The following GPATCH8 variants were observed in gnomAD, a reference collection of about 807,000 sequenced individuals.
GPATCH8 encodes the protein G-patch domain containing 8, also known as G patch domain-containing protein 8.
Under a neutral mutation model 118.3 loss-of-function variants are expected in GPATCH8, and 18 were observed. That is an observed-to-expected ratio of 0.15 (90% confidence interval 0.11 to 0.23). The LOEUF is 0.23. Ranked by LOEUF, GPATCH8 falls within the 10% of genes least tolerant of loss-of-function variation. The probability of loss-of-function intolerance (pLI) is 1.00; values close to 1 mark genes in which losing one functional copy is unlikely to be tolerated. For synonymous variants in GPATCH8, 659 were observed against 684.7 expected, an observed-to-expected ratio of 0.96 and a Z score of 0.59; for missense variants, 1,631 against 1,873.8, an observed-to-expected ratio of 0.87 and a Z score of 2.39.
intron 5 of GPATCH8, among the ~76,000 whole-genome samples, chr17:44,431,760 A>C (rs1040424079): frequency 1.3e-5 from 2 of 151,914 alleles, no homozygotes; most frequent in African/African-American, 2.4e-5. Flanking sequence ...GTGAGACCCT[A>C]TCTCTTAAAA....
rs147294759 is a variant in GPATCH8, at chr17:44,425,708, T to G, written c.349-1216A>C. On this transcript the variant is annotated intron_variant, in intron 5 of 7. Transcript: ENST00000591680. Reference sequence around the variant, plus strand: ...CAAACCTAGCTAACTTTTGTATTTTTTGTAGAGATGAGGTCTCACTATGCT... The same window carrying G: ...CAAACCTAGCTAACTTTTGTATTTTGTGTAGAGATGAGGTCTCACTATGCT... Among the ~76,000 whole-genome samples, 73 of 152,092 alleles carry G rather than the reference T, an allele frequency of 4.8e-4. 1 individual carries two copies. The highest frequency in any genetic ancestry group is 1.6e-3 in the African/African-American group (68 of 41,478).
At chr17:44,477,977 T>C (rs891150546) in intron 1 of GPATCH8, among the ~76,000 whole-genome samples, 8 of 131,474 alleles carry the variant, frequency 6.1e-5, no homozygotes, top group Admixed American at 1.6e-4. Flanking sequence ...ACCTGGCTAA[T>C]TTTTGTATTT....
rs566681672 is a variant in GPATCH8 at position 44,463,490 on chromosome 17, A to G, written c.193+982T>C. ...CAACCTCCGCCTTCCAGGTTCAAAC[A>G]ATTCTCTGCCTCAGGCTCCCAAGCT... On this transcript the variant is annotated intron_variant, in intron 3 of 7. Transcript: ENST00000591680. Among the ~76,000 whole-genome samples the G allele has an allele frequency of 7.2e-5, 11 of 152,278 alleles. No individual in the cohort carries two copies. In the East Asian group the frequency reaches 2.1e-3, roughly 29 times the overall value.
At chr17:44,427,548 T>C (rs1315713287) in intron 5 of GPATCH8, among the ~76,000 whole-genome samples, 1 of 152,134 alleles carries the variant, frequency 6.6e-6, no homozygotes, top group Non-Finnish European at 1.5e-5. Flanking sequence ...GTATGTTATA[T>C]GCTGTCAGAA....
chr17:44,399,379 T>TGTCACTGTA lies in GPATCH8; in HGVS notation c.2689_2697dup (p.Tyr897_Asp899dup), dbSNP rs757678909. ...GAGCGCTTGGAGTGCCTTCGTGATC[T>TGTCACTGTA]GTCACTGTAGTCACTGTAGCTGTCA... On this transcript the variant is annotated inframe_insertion, in exon 8 of 8. Coordinates refer to ENST00000591680, the MANE Select transcript of GPATCH8 (RefSeq NM_001002909.4). The TGTCACTGTA allele has an allele frequency of 3.7e-5, 60 of 1,614,024 alleles. No individual in the cohort carries two copies. Among genetic ancestry groups the TGTCACTGTA allele is most frequent in the Admixed American group, 1.5e-4 (9 of 60,006 alleles).
At chr17:44,411,285 T>G (rs1165584985) in intron 6 of GPATCH8, among the ~76,000 whole-genome samples, 1 of 152,208 alleles carries the variant, frequency 6.6e-6, no homozygotes, top group Non-Finnish European at 1.5e-5. Context: ...AGAGCAACAG[T>G]GTTCCTGCTC....
intron 1 of GPATCH8, chr17:44,486,078 G>T (rs1426829543): frequency 1.3e-5 from 2 of 152,086 alleles, no homozygotes; most frequent in Non-Finnish European, 2.9e-5. Context: ...TTTGTTTAAT[G>T]TGGTTTTTGT....
At chr17:44,418,359 A>C (rs1295830790) in intron 6 of GPATCH8, among the ~76,000 whole-genome samples, 1 of 152,234 alleles carries the variant, frequency 6.6e-6, no homozygotes, top group African/African-American at 2.4e-5. Context: ...AAAATAATTA[A>C]GGAGGCAAGG....
intron 1 of GPATCH8, among the ~76,000 whole-genome samples, chr17:44,481,703 T>C (rs568249274): frequency 2.6e-5 from 4 of 152,334 alleles, no homozygotes; most frequent in African/African-American, 9.6e-5. Context: ...TGAAAAATGG[T>C]GAAAACAGGC....
chr17:44,420,831 G>C (rs2049871701), intron 6 of GPATCH8, among the ~76,000 whole-genome samples: 1 of 151,946 alleles, frequency 6.6e-6, no homozygotes, highest in Non-Finnish European at 1.5e-5. Context: ...ATACATTATT[G>C]AAGTTTGAAT....
chr17:44,474,372 C>G (rs1475797611), intron 2 of GPATCH8: 1 of 233,468 alleles, frequency 4.3e-6, no homozygotes, highest in Non-Finnish European at 8.5e-6. Flanking sequence ...TCACAACAGT[C>G]TGGTAAATAA....
Position 44,440,329 on chromosome 17 carries a change from T to A in GPATCH8, c.194-3784A>T, listed in dbSNP as rs548007360. Reference sequence around the variant, plus strand: ...AAGGAAACACATGCAAAATCAAGAATATGCCAATATCAATGTATTAATCTG... The same window carrying A: ...AAGGAAACACATGCAAAATCAAGAAAATGCCAATATCAATGTATTAATCTG... On this transcript the variant is annotated intron_variant, in intron 3 of 7. Transcript: ENST00000591680. Among the ~76,000 whole-genome samples, 102 of 152,316 alleles carry A rather than the reference T, an allele frequency of 6.7e-4. 1 individual carries two copies. Among genetic ancestry groups the A allele is most frequent in the African/African-American group, 2.4e-3 (101 of 41,554 alleles).
chr17:44,497,819 A>G (rs555188423), intron 1 of GPATCH8, among the ~76,000 whole-genome samples: 4 of 152,146 alleles, frequency 2.6e-5, no homozygotes, highest in Non-Finnish European at 5.9e-5. Context: ...ACATTCCTGT[A>G]GTCCCAGCTA....
At chr17:44,402,876 G>T (rs1271726778) in intron 7 of GPATCH8, among the ~76,000 whole-genome samples, 4 of 152,134 alleles carry the variant, frequency 2.6e-5, no homozygotes, top group African/African-American at 7.2e-5. Context: ...TTGACAAAAG[G>T]AACATCAAGG....
At chr17:44,410,211 T>C (rs1219003552) in intron 6 of GPATCH8, among the ~76,000 whole-genome samples, 1 of 152,214 alleles carries the variant, frequency 6.6e-6, no homozygotes, top group African/African-American at 2.4e-5. Context: ...TCTGGCTCAT[T>C]TGTCACGGAA....
chr17:44,457,453 C>T (rs1028165168), intron 3 of GPATCH8, among the ~76,000 whole-genome samples: 4 of 152,014 alleles, frequency 2.6e-5, no homozygotes, highest in African/African-American at 4.8e-5. Context: ...GTTCTTAAAA[C>T]GATGTGTGAG....
At chr17:44,459,187 T>C (rs1028988528) in intron 3 of GPATCH8, among the ~76,000 whole-genome samples, 2 of 152,212 alleles carry the variant, frequency 1.3e-5, no homozygotes, top group African/African-American at 2.4e-5. Flanking sequence ...AAAACACATC[T>C]AACATCAAAA....
At chr17:44,450,419 A>T (rs2051070229) in intron 3 of GPATCH8, among the ~76,000 whole-genome samples, 3 of 152,162 alleles carry the variant, frequency 2.0e-5, no homozygotes, top group Non-Finnish European at 4.4e-5. Context: ...TCAACAACGT[A>T]TGCTATCATC....
In GPATCH8 at chr17:44,448,778, A is replaced by T. The variant is rs185037979; in HGVS notation, c.194-12233T>A. Reference sequence around the variant, plus strand: ...AAATTAGGCTAAGGCTAAGACTATAAAAAAAAAAAAATAAACAGCACTATA... The same window carrying T: ...AAATTAGGCTAAGGCTAAGACTATATAAAAAAAAAAATAAACAGCACTATA... On this transcript the variant is annotated intron_variant, in intron 3 of 7. Coordinates refer to ENST00000591680, the MANE Select transcript of GPATCH8 (RefSeq NM_001002909.4). Among the ~76,000 whole-genome samples, 33 of 138,694 alleles carry T rather than the reference A, an allele frequency of 2.4e-4. 1 individual carries two copies. The highest frequency in any genetic ancestry group is 1.9e-3 in the Admixed American group (28 of 14,376). 91.0% of individuals were successfully genotyped at this position (138,694 alleles called of 152,430 possible).
Sources: allele counts gnomAD v4.1 joint callset (sites outside exome capture counted in the v4.1 genomes callset), GRCh38; gene constraint gnomAD v4.1.1; transcripts MANE v1.5; gene names NCBI Gene and HGNC (gene_info 2026-07-23, HGNC 2026-07-21).